SV2C: variants seen among roughly 807,000 people sequenced by gnomAD.
The protein encoded by SV2C is solute carrier family 22 member B3.
Under a neutral mutation model 79.7 loss-of-function variants are expected in SV2C, and 49 were observed. The observed-to-expected ratio is 0.61, with a 90% confidence interval of 0.49 to 0.78. The LOEUF (loss-of-function observed/expected upper bound fraction) is 0.78. SV2C is among the 30% of genes least tolerant of loss of function. The probability of loss-of-function intolerance (pLI) is 0.00; values close to 1 mark genes in which losing one functional copy is unlikely to be tolerated. For missense variants in SV2C, 833 were observed against 912.9 expected (o/e 0.91, Z 1.13); for synonymous variants, 334 against 333.2 (o/e 1.00, Z -0.03).
At chr5:76,269,316 G>A (rs1283040740) in intron 4 of SV2C, among the ~76,000 whole-genome samples, 2 of 152,136 alleles carry the variant, frequency 1.3e-5, no homozygotes, top group South Asian at 2.1e-4. Flanking sequence ...CCTTAGTTAC[G>A]TTTGAATTCC....
At chr5:76,088,799 TAA>T (rs1009648804) in intron 1 of SV2C, among the ~76,000 whole-genome samples, 42 of 151,874 alleles carry the variant, frequency 2.8e-4, no homozygotes, top group African/African-American at 8.4e-4. Context: ...TCCTTTTTTT[TAA>T]AAAAAAATGG....
chr5:76,262,031 C>T (rs1437873089), intron 4 of SV2C, among the ~76,000 whole-genome samples: 1 of 152,186 alleles, frequency 6.6e-6, no homozygotes, highest in Non-Finnish European at 1.5e-5. Flanking sequence ...ACCAGCTCCT[C>T]TTTGTACCTC....
the SV2C span, among the ~76,000 whole-genome samples, chr5:75,871,473 A>G: frequency 2.7e-4 from 41 of 152,288 alleles, no homozygotes; most frequent in Admixed American, 9.2e-4. Flanking sequence ...CCCCAAAAGT[A>G]AGGAAAAACT....
chr5:76,211,965 G>T (rs904025031), intron 4 of SV2C, among the ~76,000 whole-genome samples: 19 of 152,148 alleles, frequency 1.2e-4, no homozygotes, highest in African/African-American at 4.6e-4. Flanking sequence ...TGAGTTCAGG[G>T]TGCCAAGCTC....
the SV2C span, among the ~76,000 whole-genome samples, chr5:76,018,323 T>C: frequency 2.4e-4 from 37 of 152,296 alleles, no homozygotes; most frequent in East Asian, 7.1e-3. Context: ...AATTGACTTA[T>C]CTCTTTCCTA....
chr5:75,969,151 G>T, the SV2C span, among the ~76,000 whole-genome samples: 2 of 152,084 alleles, frequency 1.3e-5, no homozygotes, highest in Non-Finnish European at 2.9e-5. Context: ...CACCAGGCCT[G>T]CCCTAAAAAA....
chr5:76,068,966 CA>C, the SV2C span, among the ~76,000 whole-genome samples: 1 of 151,950 alleles, frequency 6.6e-6, no homozygotes, highest in East Asian at 1.9e-4. Flanking sequence ...ATACCATCTG[CA>C]AAGTATACAA....
At chr5:76,092,183 G>A (rs1747399427) in intron 1 of SV2C, among the ~76,000 whole-genome samples, 1 of 152,138 alleles carries the variant, frequency 6.6e-6, no homozygotes, top group Non-Finnish European at 1.5e-5. Context: ...TTAGCGTATG[G>A]AAAGGACCTT....
intron 2 of SV2C, among the ~76,000 whole-genome samples, chr5:76,139,301 T>C (rs1485226033): frequency 6.6e-6 from 1 of 151,866 alleles, no homozygotes; most frequent in Non-Finnish European, 1.5e-5. Flanking sequence ...TAGGGAAAGA[T>C]GCATTAGACA....
downstream of SV2C, among the ~76,000 whole-genome samples, chr5:76,336,123 G>T (rs1000618743): frequency 2.1e-5 from 3 of 145,244 alleles, no homozygotes; most frequent in Admixed American, 2.0e-4. Context: ...CCTCCCTCCC[G>T]GACGGGGCGG....
chr5:76,300,523 T>A (rs899118426), intron 10 of SV2C, among the ~76,000 whole-genome samples: 3 of 152,156 alleles, frequency 2.0e-5, no homozygotes, highest in Non-Finnish European at 4.4e-5. Context: ...CAAAGGTATC[T>A]CATCATTCAC....
chr5:75,881,585 T>G, the SV2C span, among the ~76,000 whole-genome samples: 1 of 152,104 alleles, frequency 6.6e-6, no homozygotes, highest in African/African-American at 2.4e-5. Context: ...CACTCATGAT[T>G]TGGCTCTCTG....
the SV2C span, among the ~76,000 whole-genome samples, chr5:75,903,956 A>G: frequency 6.6e-6 from 1 of 152,188 alleles, no homozygotes; most frequent in South Asian, 2.1e-4. Context: ...TCTTTTATTC[A>G]AAGAAAAAAA....
At chr5:76,324,018 C>T (rs191891080) in intron 12 of SV2C, among the ~76,000 whole-genome samples, 1 of 151,876 alleles carries the variant, frequency 6.6e-6, no homozygotes, top group African/African-American at 2.4e-5. Flanking sequence ...AAGTAAAATA[C>T]AAAATAAATA....
chr5:76,183,863 C>T (rs1180764136), intron 2 of SV2C, among the ~76,000 whole-genome samples: 2 of 152,140 alleles, frequency 1.3e-5, no homozygotes, highest in African/African-American at 4.8e-5. Flanking sequence ...GTACAACCAT[C>T]ACCCTGTATG....
intron 12 of SV2C, among the ~76,000 whole-genome samples, chr5:76,309,821 AT>A (rs1748359989): frequency 6.6e-6 from 1 of 152,036 alleles, no homozygotes; most frequent in Non-Finnish European, 1.5e-5. Context: ...GGTTTTGTTT[AT>A]GTTTTTTAAT....
chr5:76,003,043 G>C, the SV2C span, among the ~76,000 whole-genome samples: 1 of 152,068 alleles, frequency 6.6e-6, no homozygotes, highest in African/African-American at 2.4e-5. Context: ...TCTCGTGATA[G>C]TGAGTGAGTT....
At chr5:75,899,822 G>T in the SV2C span, among the ~76,000 whole-genome samples, 1 of 151,950 alleles carries the variant, frequency 6.6e-6, no homozygotes, top group Admixed American at 6.6e-5. Context: ...AGTATGTAAT[G>T]GCCTTCTTTG....
At chr5:76,161,235 A>T (rs1742889422) in intron 2 of SV2C, among the ~76,000 whole-genome samples, 1 of 152,180 alleles carries the variant, frequency 6.6e-6, no homozygotes, top group Non-Finnish European at 1.5e-5. Context: ...GAGCCTTGAA[A>T]ATGTTATGCT....
Sources: gnomAD v4.1 joint callset for allele counts (sites outside exome capture counted in the v4.1 genomes callset) on GRCh38, gnomAD v4.1.1 for gene constraint, MANE v1.5 for transcripts, NCBI Gene and HGNC (gene_info 2026-07-23, HGNC 2026-07-21) for gene names.